DRC8: variants seen among roughly 807,000 people sequenced by gnomAD.
DRC8 encodes the protein dynein regulatory complex subunit 8, also known as dynein regulatory complex protein 8.
the DRC8 span, among the ~76,000 whole-genome samples, chr1:245,079,845 C>T: frequency 6.6e-6 from 1 of 152,146 alleles, no homozygotes; most frequent in African/African-American, 2.4e-5. Context: ...ATTGTATTTG[C>T]CCGGGGCTCC....
At chr1:245,110,158 G>T in the DRC8 span, among the ~76,000 whole-genome samples, 2 of 152,038 alleles carry the variant, frequency 1.3e-5, no homozygotes, top group East Asian at 3.9e-4. Flanking sequence ...GGAGGCAGGC[G>T]GATCACTTGA....
At chr1:245,086,498 T>C in the DRC8 span, among the ~76,000 whole-genome samples, 1 of 152,262 alleles carries the variant, frequency 6.6e-6, no homozygotes, top group Non-Finnish European at 1.5e-5. Context: ...TATGCATTCC[T>C]ACAGCCCTGG....
At chr1:245,108,193 C>T in the DRC8 span, among the ~76,000 whole-genome samples, 1 of 152,182 alleles carries the variant, frequency 6.6e-6, no homozygotes, top group African/African-American at 2.4e-5. Flanking sequence ...GAAATGTTCC[C>T]CTCACCCTGA....
the DRC8 span, among the ~76,000 whole-genome samples, chr1:244,991,560 T>G: frequency 6.6e-6 from 1 of 152,234 alleles, no homozygotes; most frequent in Non-Finnish European, 1.5e-5. Flanking sequence ...GATTCCATTA[T>G]TGTAACTTGT....
the DRC8 span, chr1:244,970,450 TA>T: frequency 1.3e-6 from 2 of 1,527,032 alleles, no homozygotes; most frequent in Non-Finnish European, 1.7e-6. Context: ...GAAGGTAAGG[TA>T]GGGGAGCCGG....
chr1:245,043,754 A>G, the DRC8 span, among the ~76,000 whole-genome samples: 1 of 152,198 alleles, frequency 6.6e-6, no homozygotes, highest in African/African-American at 2.4e-5. Context: ...TAGCTGTCTG[A>G]ATGAAGTGAT....
the DRC8 span, among the ~76,000 whole-genome samples, chr1:245,118,707 C>T: frequency 2.0e-5 from 3 of 151,850 alleles, no homozygotes; most frequent in Admixed American, 6.6e-5. Context: ...AGGAGAATCG[C>T]TTGAGCCCCA....
the DRC8 span, among the ~76,000 whole-genome samples, chr1:245,080,737 A>G: frequency 1.3e-5 from 2 of 152,200 alleles, no homozygotes; most frequent in East Asian, 3.8e-4. Context: ...TGCTTAGACT[A>G]CTGAAGAAGC....
chr1:245,081,593 CG>C, the DRC8 span, among the ~76,000 whole-genome samples: 7 of 152,210 alleles, frequency 4.6e-5, no homozygotes, highest in East Asian at 1.3e-3. Flanking sequence ...TTCAGCCTCC[CG>C]TGTAGCTTGG....
the DRC8 span, among the ~76,000 whole-genome samples, chr1:245,014,590 A>C: frequency 1.6e-4 from 25 of 152,070 alleles, 1 homozygote; most frequent in South Asian, 2.1e-3. Flanking sequence ...TATAACATTT[A>C]CGTGAAGTAA....
the DRC8 span, among the ~76,000 whole-genome samples, chr1:245,095,079 C>T: frequency 1.3e-5 from 2 of 152,326 alleles, no homozygotes; most frequent in South Asian, 4.2e-4. Context: ...GCCAAGGGGG[C>T]ATCTGAGGGC....
At chr1:245,072,224 T>C in the DRC8 span, among the ~76,000 whole-genome samples, 1 of 152,186 alleles carries the variant, frequency 6.6e-6, no homozygotes, top group African/African-American at 2.4e-5. Context: ...ATCCAGACAA[T>C]GGAATATTAT....
the DRC8 span, among the ~76,000 whole-genome samples, chr1:245,004,564 A>AT: frequency 2.6e-5 from 4 of 152,156 alleles, no homozygotes; most frequent in South Asian, 8.3e-4. Flanking sequence ...TTAAAAGGAT[A>AT]TTTTGTATAT....
the DRC8 span, among the ~76,000 whole-genome samples, chr1:245,042,176 C>A: frequency 1.3e-5 from 2 of 152,200 alleles, no homozygotes; most frequent in Non-Finnish European, 2.9e-5. Flanking sequence ...GGAGTGCCTG[C>A]GCCATGGCAC....
chr1:245,012,011 C>T, the DRC8 span, among the ~76,000 whole-genome samples: 9 of 152,190 alleles, frequency 5.9e-5, no homozygotes. Flanking sequence ...GTCAGGAGTT[C>T]AAGAGAAGCA....
chr1:244,984,154 T>A, the DRC8 span, among the ~76,000 whole-genome samples: 942 of 152,046 alleles, frequency 6.2e-3, 12 homozygotes, highest in African/African-American at 0.022. Context: ...TTTTGTTGAA[T>A]CCCATCTCTG....
the DRC8 span, among the ~76,000 whole-genome samples, chr1:245,048,071 G>C: frequency 6.6e-6 from 1 of 152,098 alleles, no homozygotes; most frequent in African/African-American, 2.4e-5. Flanking sequence ...TTCACATGGA[G>C]GAGGCTGAGG....
chr1:245,047,855 T>A, the DRC8 span, among the ~76,000 whole-genome samples: 1 of 148,766 alleles, frequency 6.7e-6, no homozygotes, highest in Non-Finnish European at 1.5e-5. Flanking sequence ...CACGTACCTG[T>A]AATCTCTTAT....
the DRC8 span, among the ~76,000 whole-genome samples, chr1:245,016,922 T>C: frequency 4.4e-4 from 67 of 152,342 alleles, no homozygotes; most frequent in African/African-American, 1.6e-3. Context: ...GAGAGGCCGC[T>C]GCTGGAAATA....
Sources: allele counts gnomAD v4.1 joint callset (sites outside exome capture counted in the v4.1 genomes callset), GRCh38; gene constraint gnomAD v4.1.1; transcripts MANE v1.5; gene names NCBI Gene and HGNC (gene_info 2026-07-23, HGNC 2026-07-21).